Variants in RANBP17 observed in about 807,000 individuals in gnomAD.
RANBP17 encodes RAN binding protein 17.
A neutral mutation model predicts 141.2 loss-of-function variants in RANBP17; 158 were observed. The observed-to-expected ratio is 1.12, with a 90% CI of 0.98 to 1.28. The LOEUF (loss-of-function observed/expected upper bound fraction) is 1.28. Ranked by LOEUF, RANBP17 falls within the 50% of genes most tolerant of loss-of-function variation. The pLI is 0.00. For missense variants in RANBP17, 1,438 were observed against 1,290.7 expected, an observed-to-expected ratio of 1.11 and a Z score of -1.75; for synonymous variants, 430 against 450.0, an observed-to-expected ratio of 0.96 and a Z score of 0.56.
chr5:170,953,470 T>G, intron 12 of RANBP17, 127 bp from the exon 13 acceptor site: 1 of 619,466 alleles, frequency 1.6e-6, no homozygotes, highest in South Asian at 2.1e-5. Flanking sequence ...TATCCAGAAC[T>G]GAGTTCACAA....
chr5:171,202,871 ATAT>A (rs917677478), intron 19 of RANBP17, among the ~76,000 whole-genome samples: 10 of 152,132 alleles, frequency 6.6e-5, no homozygotes, highest in Non-Finnish European at 1.5e-4. Context: ...TATGAGGATA[ATAT>A]TATAGCTGCC....
intron 13 of RANBP17, among the ~76,000 whole-genome samples, chr5:170,958,099 A>G (rs771292980): frequency 6.6e-6 from 1 of 152,202 alleles, no homozygotes; most frequent in African/African-American, 2.4e-5. Flanking sequence ...CCTGGAGGCC[A>G]CACGAAACCA....
At chr5:170,985,302 A>G (rs1778072355) in intron 14 of RANBP17, among the ~76,000 whole-genome samples, 1 of 152,148 alleles carries the variant, frequency 6.6e-6, no homozygotes, top group Non-Finnish European at 1.5e-5. Flanking sequence ...TCAGTGAGTG[A>G]AATTCCAAAA....
intron 12 of RANBP17, among the ~76,000 whole-genome samples, chr5:170,935,526 A>G (rs1317095046): frequency 6.6e-6 from 1 of 152,096 alleles, no homozygotes; most frequent in Non-Finnish European, 1.5e-5. Flanking sequence ...TTTTCCTTCT[A>G]ACAGTCAGGA....
chr5:171,105,546 A>G (rs1754763744), intron 14 of RANBP17, among the ~76,000 whole-genome samples: 1 of 151,826 alleles, frequency 6.6e-6, no homozygotes, highest in African/African-American at 2.4e-5. Flanking sequence ...AAATATATAT[A>G]CATATATTTT....
intron 14 of RANBP17, among the ~76,000 whole-genome samples, chr5:171,100,270 A>G (rs377246544): frequency 1.3e-5 from 2 of 152,070 alleles, no homozygotes; most frequent in African/African-American, 2.4e-5. Flanking sequence ...TACTGCCTCA[A>G]TTTCAGAACT....
intron 2 of RANBP17, among the ~76,000 whole-genome samples, chr5:170,878,598 T>C (rs1397125922): frequency 6.6e-6 from 1 of 152,120 alleles, no homozygotes; most frequent in African/African-American, 2.4e-5. Flanking sequence ...CTCAGAAACA[T>C]GAAAGGATGA....
At chr5:171,224,283 G>A (rs778120616) in intron 22 of RANBP17, among the ~76,000 whole-genome samples, 30 of 152,216 alleles carry the variant, frequency 2.0e-4, no homozygotes, top group Non-Finnish European at 3.8e-4. Flanking sequence ...TTAGTAATCA[G>A]TAGAACTTTA....
chr5:171,070,198 G>A (rs538785643), intron 14 of RANBP17, among the ~76,000 whole-genome samples: 1 of 151,978 alleles, frequency 6.6e-6, no homozygotes, highest in Non-Finnish European at 1.5e-5. Flanking sequence ...TTACTTGTAG[G>A]GCACTTTAAT....
In RANBP17 at chr5:171,182,591, T is replaced by G. The variant is rs966944179; in HGVS notation, c.1866-576T>G. Among the ~76,000 whole-genome samples, 22 of 152,202 alleles carry G rather than the reference T, an allele frequency of 1.4e-4. 1 individual carries two copies. The highest frequency in any genetic ancestry group is 9.2e-4 in the Admixed American group (14 of 15,286). ...TACTTAACAGTGTAATTGTGAAGAT[T>G]AGGTGAATTAACATATGGAAATGCC... On this transcript the variant is annotated intron_variant, in intron 16 of 27. Transcript: ENST00000523189.
chr5:170,997,499 A>C (rs1464996471), intron 14 of RANBP17, among the ~76,000 whole-genome samples: 1 of 152,188 alleles, frequency 6.6e-6, no homozygotes, highest in Admixed American at 6.5e-5. Flanking sequence ...CTCCCAGTCC[A>C]CATAGTAAAT....
At chr5:171,133,831 C>T (rs966587351) in intron 14 of RANBP17, among the ~76,000 whole-genome samples, 61 of 152,284 alleles carry the variant, frequency 4.0e-4, no homozygotes, top group African/African-American at 1.3e-3. Flanking sequence ...TGTACTTGAG[C>T]TTTCAGGTTG....
intron 14 of RANBP17, among the ~76,000 whole-genome samples, chr5:171,096,256 A>G (rs529386025): frequency 6.6e-6 from 1 of 152,344 alleles, no homozygotes; most frequent in East Asian, 1.9e-4. Flanking sequence ...TCAAAGCATT[A>G]TATACTTCAT....
At chr5:171,155,094 A>AAAAATAT (rs34090443) in intron 14 of RANBP17, among the ~76,000 whole-genome samples, 18 of 74,962 alleles carry the variant, frequency 2.4e-4, no homozygotes, top group African/African-American at 4.2e-4. Context: ...AAAAAAAAAA[A>AAAAATAT]ATATATATAT....
At chr5:171,072,613 C>T (rs575614740) in intron 14 of RANBP17, among the ~76,000 whole-genome samples, 2 of 152,190 alleles carry the variant, frequency 1.3e-5, no homozygotes, top group African/African-American at 2.4e-5. Context: ...TTGTTACAAA[C>T]AGACAATAAA....
chr5:171,210,535 A>G (rs1287713864), intron 20 of RANBP17, among the ~76,000 whole-genome samples: 4 of 151,894 alleles, frequency 2.6e-5, no homozygotes, highest in Non-Finnish European at 5.9e-5. Flanking sequence ...GGTTGAATCC[A>G]TTTTCTCATG....
At chr5:170,899,853 C>T (rs375257530) in intron 5 of RANBP17, among the ~76,000 whole-genome samples, 105 of 152,220 alleles carry the variant, frequency 6.9e-4, no homozygotes, top group African/African-American at 2.4e-3. Flanking sequence ...GGTTTGCATC[C>T]CAGAGATAAA....
At chr5:171,128,431 G>A (rs542043288) in intron 14 of RANBP17, among the ~76,000 whole-genome samples, 1 of 152,242 alleles carries the variant, frequency 6.6e-6, no homozygotes, top group African/African-American at 2.4e-5. Flanking sequence ...GTTATCTCAT[G>A]TTCTTTCTCA....
chr5:170,983,238 G>C, intron 14 of RANBP17: 1 of 335,550 alleles, frequency 3.0e-6, no homozygotes, highest in Non-Finnish European at 5.6e-6. Context: ...AACTGGAGCA[G>C]ATGGAAGGTC....
Sources: gnomAD v4.1 joint callset for allele counts (sites outside exome capture counted in the v4.1 genomes callset) on GRCh38, gnomAD v4.1.1 for gene constraint, MANE v1.5 for transcripts, NCBI Gene and HGNC (gene_info 2026-07-23, HGNC 2026-07-21) for gene names.